Variants in TH observed in about 807,000 individuals in gnomAD.
TH encodes the protein tyrosine hydroxylase.
A neutral mutation model predicts 57.4 loss-of-function variants in TH; 49 were observed. That is an observed-to-expected ratio of 0.85 (90% CI 0.68 to 1.08). The LOEUF is 1.08. TH is among the 50% of genes least tolerant of loss of function. The pLI, the probability that TH is intolerant of heterozygous loss-of-function variation, is 0.00. For synonymous variants in TH, 330 were observed against 304.5 expected, an observed-to-expected ratio of 1.08 and a Z score of -0.87; for missense variants, 720 against 696.7, an observed-to-expected ratio of 1.03 and a Z score of -0.38.
In TH at chr11:2,166,258, C is replaced by A; in HGVS notation, c.1048-200G>T. Reference sequence around the variant, plus strand: ...GCCCTCCTTGACCACATTCCTAAGCCCGTGGGCGCCGTTCCCAGGTAGCCG... The same window carrying A: ...GCCCTCCTTGACCACATTCCTAAGCACGTGGGCGCCGTTCCCAGGTAGCCG... On this transcript the variant is annotated intron_variant, in intron 9 of 12. Transcript: ENST00000352909. The A allele has an allele frequency of 3.5e-6, 3 of 848,436 alleles. No homozygotes were observed. The South Asian group carries it at 5.1e-5, about 14-fold the overall frequency. 52.6% of individuals were successfully genotyped at this position (848,436 alleles called of 1,614,324 possible).
At chr11:2,166,315 G>A in intron 9 of TH, 165 bp downstream of exon 9, 1 of 1,047,972 alleles carries the variant, frequency 9.5e-7, no homozygotes, top group South Asian at 1.6e-5. Context: ...GGGAGGCTCC[G>A]CTCCAGCCCC....
At chr11:2,167,724 A>C (rs1476719716) in intron 5 of TH, 142 bp downstream of exon 5, 1 of 1,201,882 alleles carries the variant, frequency 8.3e-7, no homozygotes, top group African/African-American at 1.5e-5. Context: ...GGACATGGAA[A>C]GCCCTGGAGC....
Position 2,166,958 on chromosome 11 carries a change from A to G in TH, c.770T>C (p.Leu257Ser). Residue 257 changes from leucine (L) to serine (S), a missense_variant, in exon 7 of 13, where the codon TTG becomes TCG. Coordinates refer to ENST00000352909, the MANE Select transcript of TH (RefSeq NM_000360.4). ...CCGGTAGCCGCTGAAGCGCTCCAGC[A>G]AAGCAAAGGCCTCCAGGTGCTCCCC... ...ACGEHLEAFA[L>S]LERFSGYRED... 1 of 1,596,022 alleles carries G rather than the reference A, an allele frequency of 6.3e-7. No individual in the cohort carries two copies. Among genetic ancestry groups the G allele is most frequent in the African/African-American group, 1.3e-5 (1 of 74,830 alleles).
rs1245705646 is a variant in TH at position 2,169,890 on chromosome 11, C to G, written c.91-19G>C. 3 of 1,602,652 alleles carry G rather than the reference C, an allele frequency of 1.9e-6. No individual in the cohort carries two copies. The highest frequency in any genetic ancestry group is 2.6e-6 in the Non-Finnish European group (3 of 1,176,422). ...GCGGGGACTGTGGGGACAAGGGGCA[C>G]CCATGCCTCCTCCACCTGCTGAGAC... is the stretch of plus-strand genomic sequence containing the variant. On this transcript the variant is annotated intron_variant, in intron 1 of 12. Transcript: ENST00000352909.
Position 2,164,407 on chromosome 11 carries a change from G to A in TH, c.1335-15C>T. On this transcript the variant is annotated splice_polypyrimidine_tract_variant and intron_variant, in intron 12 of 12. Transcript: ENST00000352909. The stretch of plus-strand genomic sequence containing the variant: ...AGGCATAGCTCCTGGGGAGGAGAGC[G>A]GCAGAGCCCTCGTCAACTGGCGGGC... The A allele has an allele frequency of 1.2e-5, 18 of 1,540,524 alleles. No individual in the cohort carries two copies. The highest frequency in any genetic ancestry group is 1.4e-5 in the Non-Finnish European group (16 of 1,143,672).
intron 10 of TH, 92 bp from the exon 11 acceptor site, chr11:2,165,855 A>G: frequency 1.3e-6 from 2 of 1,520,414 alleles, no homozygotes; most frequent in Middle Eastern, 1.7e-4. Context: ...ACCCCCAGGG[A>G]GGCCAGGCCA....
Position 2,164,083 on chromosome 11 carries a change from T to G in TH, c.*150A>C. 1 of 650,242 alleles carries G rather than the reference T, an allele frequency of 1.5e-6. No homozygotes were observed. Among genetic ancestry groups the G allele is most frequent in the East Asian group, 3.4e-5 (1 of 29,502 alleles). 40.3% of individuals were successfully genotyped at this position (650,242 alleles called of 1,614,324 possible). ...CCTCACCACGGGCACACACAGCTGT[T>G]GCGCTGAGAAGCAGGTGCAGGGGCA... On this transcript the variant is annotated 3_prime_UTR_variant, in exon 13 of 13. Coordinates refer to ENST00000352909, the MANE Select transcript of TH (RefSeq NM_000360.4).
chr11:2,167,974 G>T, intron 4 of TH, 41 bp from the exon 5 acceptor site: 4 of 1,609,498 alleles, frequency 2.5e-6, no homozygotes, highest in Non-Finnish European at 3.4e-6. Context: ...GGCTGTGCTG[G>T]GGTGGGGGCA....
rs376615793 is a variant in TH at position 2,167,925 on chromosome 11, C to A, written c.585G>T (p.Ser195=). 1 of 1,611,496 alleles carries A rather than the reference C, an allele frequency of 6.2e-7. No homozygotes were observed. Residue 195 remains serine (S), a synonymous_variant, in exon 5 of 13, where the codon TCG becomes TCT. Transcript: ENST00000352909. ...TCCTGCGCTGGCGGTACACCTGGTCCGAGAAGCCCTGAGGGCAGAGGGGAT... is the reference window on the plus strand; with the variant it reads ...TCCTGCGCTGGCGGTACACCTGGTCAGAGAAGCCCTGAGGGCAGAGGGGAT... The part of the protein sequence containing the change: ...PDLDLDHPGF[S]DQVYRQRRKL...
rs745829277 is a variant in TH at position 2,168,592 on chromosome 11, T to G, written c.386A>C (p.Glu129Ala). The change falls in exon 3 of 13, where the codon GAG becomes GCG. Residue 129 changes from glutamate to alanine, a missense_variant. Physicochemically the swap from Glu to Ala is moderately radical, Grantham distance 107. Transcript: ENST00000352909. Reference sequence around the variant, plus strand: ...GCGCACCTCGAGGCGCACGAAGTACTCCAGGTGGGGGCCCCCAGCTCGCGG... The same window carrying G: ...GCGCACCTCGAGGCGCACGAAGTACGCCAGGTGGGGGCCCCCAGCTCGCGG... ...QRPRAGGPHL[E>A]YFVRLEVRRG... 10 of 1,611,768 alleles carry G rather than the reference T, an allele frequency of 6.2e-6. No individual in the cohort carries two copies. In the Admixed American group the frequency reaches 8.3e-5, roughly 13 times the overall value.
rs76254173 is a variant in TH at position 2,170,376 on chromosome 11, C to T, written c.91-505G>A. Among the ~76,000 whole-genome samples, 1,045 of 152,276 alleles carry T rather than the reference C, an allele frequency of 6.9e-3. 16 individuals carry two copies. Among genetic ancestry groups the T allele is most frequent in the African/African-American group, 0.023 (957 of 41,566 alleles). Reference sequence around the variant, plus strand: ...ACACTCCCATCAGGACACCTGTCCTCGGGCCCTGCCCCTCTGTGCCACCCC... The same window carrying T: ...ACACTCCCATCAGGACACCTGTCCTTGGGCCCTGCCCCTCTGTGCCACCCC... On this transcript the variant is annotated intron_variant, in intron 1 of 12. Coordinates refer to ENST00000352909, the MANE Select transcript of TH (RefSeq NM_000360.4). This position sits in a 1 kb window ranked among gnomAD's most constrained non-coding sequence, Gnocchi z 6.0.
chr11:2,166,320 A>C, intron 9 of TH, 160 bp downstream of exon 9: 1 of 1,071,144 alleles, frequency 9.3e-7, no homozygotes, highest in African/African-American at 1.6e-5. Flanking sequence ...GCTCCGCTCC[A>C]GCCCCGCCCT....
Position 2,170,805 on chromosome 11 carries a change from G to A in TH, c.90+892C>T. 1 of 640,962 alleles carries A rather than the reference G, an allele frequency of 1.6e-6. No homozygotes were observed. Among genetic ancestry groups the A allele is most frequent in the South Asian group, 1.9e-5 (1 of 53,524 alleles). The allele number at this position is 640,962 out of a possible 1,614,324, so 39.7% of individuals were successfully genotyped here. A position where few individuals can be genotyped will look rare whatever the true frequency, so the allele number is the denominator to read the frequency against. ...GGATGCCTGATGGGGAGCCTGGTGG[G>A]GGAGGGTAGGGGAGGGCGGGGGAGG... On this transcript the variant is annotated intron_variant, in intron 1 of 12. Coordinates refer to ENST00000352909, the MANE Select transcript of TH (RefSeq NM_000360.4). This position sits in a 1 kb window ranked among gnomAD's most constrained non-coding sequence, Gnocchi z 6.0.
chr11:2,165,924 C>A, intron 10 of TH, 78 bp downstream of exon 10: 1 of 1,527,534 alleles, frequency 6.5e-7, no homozygotes, highest in East Asian at 2.4e-5. Context: ...AGGCCTCAGC[C>A]TGGACGGCAA....
chr11:2,171,675 G>C lies in TH; in HGVS notation c.90+22C>G, dbSNP rs753296112. 57 of 1,609,168 alleles carry C rather than the reference G, an allele frequency of 3.5e-5. No homozygotes were observed. Among genetic ancestry groups the C allele is most frequent in the Middle Eastern group, 1.9e-4 (1 of 5,186 alleles). On this transcript the variant is annotated intron_variant, in intron 1 of 12. Transcript: ENST00000352909. This position sits in a 1 kb window ranked among gnomAD's most constrained non-coding sequence, Gnocchi z 8.6. Reference sequence around the variant, plus strand: ...TGGGCTCCGGTCCACTGCGGCCGCCGGGCACCTACCTGCCCTCTTACCATG... The same window carrying C: ...TGGGCTCCGGTCCACTGCGGCCGCCCGGCACCTACCTGCCCTCTTACCATG...
At position 2,171,649 on chromosome 11, in the gene TH, C is replaced by A; in HGVS notation, c.90+48G>T. The A allele has an allele frequency of 6.3e-7, 1 of 1,598,194 alleles. No homozygotes were observed. The highest frequency in any genetic ancestry group is 1.1e-5 in the South Asian group (1 of 90,722). On this transcript the variant is annotated intron_variant, in intron 1 of 12. Coordinates refer to ENST00000352909, the MANE Select transcript of TH (RefSeq NM_000360.4). The surrounding 1 kb of genome is among the most constrained non-coding windows in gnomAD (Gnocchi z 8.6). ...GTAGCAGAGGCAGCTGGCACCAGCC[C>A]TGGGCTCCGGTCCACTGCGGCCGCC... is the stretch of plus-strand genomic sequence containing the variant.
At position 2,168,092 on chromosome 11, in the gene TH, G is replaced by T. The variant is rs760346235; in HGVS notation, c.575C>A (p.Pro192Gln). The change falls in exon 4 of 13, where the codon CCG becomes CAG. Residue 192 changes from proline (P) to glutamine (Q), a missense_variant and splice_region_variant. Physicochemically the swap from Pro to Gln is moderately conservative, Grantham distance 76. Coordinates refer to ENST00000352909, the MANE Select transcript of TH (RefSeq NM_000360.4). ...CTGAGTGAGGGGCGCACCACTCACC[G>T]GGTGGTCCAAGTCCAGGTCAGGGTC... ...KFDPDLDLDHPGFSDQVYRQR... is the reference protein window; with the variant it reads ...KFDPDLDLDHQGFSDQVYRQR... 6.2e-7 allele frequency: 1 copy of T among 1,613,402 alleles called. No homozygotes were observed. Among genetic ancestry groups the T allele is most frequent in the Non-Finnish European group, 8.5e-7 (1 of 1,179,954 alleles).
rs963463844 is a variant in TH at position 2,170,379 on chromosome 11, G to C, written c.91-508C>G. 6.6e-6 allele frequency among the ~76,000 whole-genome samples: 1 copy of C among 152,010 alleles called. No homozygotes were observed. The highest frequency in any genetic ancestry group is 2.4e-5 in the African/African-American group (1 of 41,384). ...CTCCCATCAGGACACCTGTCCTCGGGCCCTGCCCCTCTGTGCCACCCCGCA... is the reference window on the plus strand; with the variant it reads ...CTCCCATCAGGACACCTGTCCTCGGCCCCTGCCCCTCTGTGCCACCCCGCA... On this transcript the variant is annotated intron_variant, in intron 1 of 12. Coordinates refer to ENST00000352909, the MANE Select transcript of TH (RefSeq NM_000360.4). This position sits in a 1 kb window ranked among gnomAD's most constrained non-coding sequence, Gnocchi z 6.0.
At chr11:2,167,096 AACT>A (rs1846120370) in intron 6 of TH, 64 bp from the exon 7 acceptor site, 1 of 1,542,092 alleles carries the variant, frequency 6.5e-7, no homozygotes, top group African/African-American at 1.4e-5. Flanking sequence ...CCCCCTCCTG[AACT>A]GTGGGTGCCT....
Sources: gnomAD v4.1 joint callset for allele counts (sites outside exome capture counted in the v4.1 genomes callset) on GRCh38, gnomAD v4.1.1 for gene constraint, Gnocchi (gnomAD v3.1) non-coding constraint, MANE v1.5 for transcripts, NCBI Gene and HGNC (gene_info 2026-07-23, HGNC 2026-07-21) for gene names.